Variants in GRIK3 observed in about 807,000 individuals in gnomAD.
GRIK3 encodes the protein glutamate ionotropic receptor kainate type subunit 3, also known as glutamate receptor ionotropic, kainate 3.
Under a neutral mutation model 102.5 loss-of-function variants are expected in GRIK3, and 29 were observed. The ratio of observed to expected loss-of-function variants is 0.28; its 90% CI spans 0.21 to 0.39. The LOEUF (loss-of-function observed/expected upper bound fraction) is 0.39. GRIK3 is among the 10% of genes least tolerant of loss of function. GRIK3 has a pLI of 1.00. For missense variants in GRIK3, 908 were observed against 1,252.4 expected (o/e 0.73, Z 4.15); for synonymous variants, 511 against 504.9 (o/e 1.01, Z -0.16).
At chr1:36,863,095 G>C (rs1640744819) in intron 5 of GRIK3, among the ~76,000 whole-genome samples, 1 of 152,186 alleles carries the variant, frequency 6.6e-6, no homozygotes, top group African/African-American at 2.4e-5. Context: ...ACACGACTAG[G>C]ATGGTGTTAT....
At chr1:36,855,517 T>C (rs1222424086) in intron 7 of GRIK3, among the ~76,000 whole-genome samples, 5 of 152,054 alleles carry the variant, frequency 3.3e-5, no homozygotes, top group Non-Finnish European at 7.4e-5. Flanking sequence ...GGGCTGTGCT[T>C]TGGAGGAGAG....
In GRIK3 at chr1:36,886,454, G is replaced by A. The variant is rs71638999; in HGVS notation, c.292+4466C>T. Among the ~76,000 whole-genome samples the A allele has an allele frequency of 7.0e-3, 1,068 of 152,286 alleles. 8 individuals are homozygous for A. The highest frequency in any genetic ancestry group is 0.02 in the Middle Eastern group (6 of 294). On this transcript the variant is annotated intron_variant, in intron 2 of 15. Coordinates refer to ENST00000373091, the MANE Select transcript of GRIK3 (RefSeq NM_000831.4). ...GAATGCTGTTTAAAAAACCAAAGAT[G>A]AGAAGAAAAAATAAAGATCATGGAA...
intron 1 of GRIK3, among the ~76,000 whole-genome samples, chr1:36,938,853 A>G (rs542661697): frequency 4.6e-5 from 7 of 152,310 alleles, no homozygotes; most frequent in African/African-American, 1.7e-4. Context: ...CTCTCTTGAC[A>G]TAAAACTACA....
chr1:36,884,231 C>T (rs1264251766), intron 2 of GRIK3, among the ~76,000 whole-genome samples: 1 of 152,210 alleles, frequency 6.6e-6, no homozygotes, highest in African/African-American at 2.4e-5. Context: ...ACCTTTGAGT[C>T]AACATGCCTT....
intron 9 of GRIK3, among the ~76,000 whole-genome samples, chr1:36,846,776 G>C (rs919703339): frequency 6.6e-6 from 1 of 152,216 alleles, no homozygotes; most frequent in African/African-American, 2.4e-5. Context: ...GAGCCTTTTG[G>C]GAACATTCTC....
At chr1:36,813,260 A>G (rs536370533) in intron 13 of GRIK3, among the ~76,000 whole-genome samples, 1 of 152,312 alleles carries the variant, frequency 6.6e-6, no homozygotes, top group East Asian at 1.9e-4. Context: ...TCTACGTTCC[A>G]GGGCTGTTAT....
chr1:36,896,126 A>C (rs764188619), intron 1 of GRIK3, among the ~76,000 whole-genome samples: 15 of 152,216 alleles, frequency 9.9e-5, no homozygotes, highest in Non-Finnish European at 2.2e-4. Context: ...AGAAATATTA[A>C]AAGATGTTCT....
At chr1:36,966,184 G>C (rs1489735228) in intron 1 of GRIK3, among the ~76,000 whole-genome samples, 2 of 152,240 alleles carry the variant, frequency 1.3e-5, no homozygotes, top group Non-Finnish European at 2.9e-5. Context: ...CACCTTATCT[G>C]TTATCCTGAG....
intron 7 of GRIK3, among the ~76,000 whole-genome samples, chr1:36,856,394 C>G (rs939494624): frequency 6.6e-6 from 1 of 152,234 alleles, no homozygotes; most frequent in African/African-American, 2.4e-5. Flanking sequence ...CTGCCCGCCC[C>G]CTCTAGCCAC....
intron 2 of GRIK3, among the ~76,000 whole-genome samples, chr1:36,887,789 T>C (rs908868642): frequency 3.6e-5 from 2 of 55,282 alleles, no homozygotes; most frequent in African/African-American, 1.5e-4. Context: ...TATATATATA[T>C]AGTGAGAGAG....
intron 9 of GRIK3, among the ~76,000 whole-genome samples, chr1:36,842,727 G>A (rs72913525): frequency 0.042 from 6,370 of 152,268 alleles, 443 homozygotes; most frequent in African/African-American, 0.15. Flanking sequence ...AGCTGGTATC[G>A]CCTCATTTCA....
intron 11 of GRIK3, among the ~76,000 whole-genome samples, chr1:36,821,395 C>A (rs964032144): frequency 2.0e-5 from 3 of 152,162 alleles, no homozygotes; most frequent in Admixed American, 2.0e-4. Context: ...TGTCCAGAGC[C>A]CCCGCTTCCT....
rs1262487300 is a variant in GRIK3, at chr1:36,798,993, C to A, written c.*2858G>T. 6.6e-6 allele frequency: 1 copy of A among 152,266 alleles called. No individual in the cohort carries two copies. The highest frequency in any genetic ancestry group is 1.5e-5 in the Non-Finnish European group (1 of 68,048). The allele number at this position is 152,266 out of a possible 1,614,324, so 9.4% of individuals were successfully genotyped here. A position where few individuals can be genotyped will look rare whatever the true frequency, so the allele number is the denominator to read the frequency against. Reference sequence around the variant, plus strand: ...GAACATGCTCATGTAGCATCACACACACAACACATGTGTGAGACAAGAGCA... The same window carrying A: ...GAACATGCTCATGTAGCATCACACAAACAACACATGTGTGAGACAAGAGCA... On this transcript the variant is annotated 3_prime_UTR_variant, in exon 16 of 16. Transcript: ENST00000373091.
At chr1:36,858,357 G>A (rs551985154) in intron 7 of GRIK3, among the ~76,000 whole-genome samples, 1 of 152,358 alleles carries the variant, frequency 6.6e-6, no homozygotes, top group African/African-American at 2.4e-5. Flanking sequence ...GAGCCAGGAT[G>A]CAAGTTCAGG....
intron 1 of GRIK3, among the ~76,000 whole-genome samples, chr1:36,998,537 G>A (rs1394478100): frequency 1.3e-5 from 2 of 152,178 alleles, no homozygotes; most frequent in African/African-American, 2.4e-5. Context: ...TTATTGACAC[G>A]CATATGACAG....
At chr1:36,828,542 T>C (rs572425042) in intron 10 of GRIK3, among the ~76,000 whole-genome samples, 1 of 152,226 alleles carries the variant, frequency 6.6e-6, no homozygotes, top group Non-Finnish European at 1.5e-5. Context: ...CTGAAGTGTG[T>C]AGTAGGCACT....
At chr1:36,932,912 G>T (rs759798012) in intron 1 of GRIK3, among the ~76,000 whole-genome samples, 1 of 152,166 alleles carries the variant, frequency 6.6e-6, no homozygotes, top group Non-Finnish European at 1.5e-5. Flanking sequence ...CTGGAATAAT[G>T]GAGGGAGGAA....
chr1:36,923,498 C>T (rs1641495542), intron 1 of GRIK3, among the ~76,000 whole-genome samples: 1 of 152,120 alleles, frequency 6.6e-6, no homozygotes, highest in Admixed American at 6.5e-5. Context: ...GCAGAAGCAG[C>T]AGGCCACAAA....
At chr1:36,886,778 A>G (rs1278962986) in intron 2 of GRIK3, among the ~76,000 whole-genome samples, 1 of 152,234 alleles carries the variant, frequency 6.6e-6, no homozygotes, top group Non-Finnish European at 1.5e-5. Context: ...CAAGCTACAG[A>G]GCGTTTCCAA....
Sources: gnomAD v4.1 joint callset for allele counts (sites outside exome capture counted in the v4.1 genomes callset) on GRCh38, gnomAD v4.1.1 for gene constraint, MANE v1.5 for transcripts, NCBI Gene and HGNC (gene_info 2026-07-23, HGNC 2026-07-21) for gene names.